EXOC4: variants seen among roughly 807,000 people sequenced by gnomAD.
EXOC4 encodes SEC8-like 1.
Under a neutral mutation model 107.2 loss-of-function variants are expected in EXOC4, and 71 were observed. That is an observed-to-expected ratio of 0.66 (90% CI 0.55 to 0.81). The LOEUF is 0.81. EXOC4 is among the 30% of genes least tolerant of loss of function. The probability of loss-of-function intolerance (pLI) is 0.00; values close to 1 mark genes in which losing one functional copy is unlikely to be tolerated. For missense variants in EXOC4, 1,108 were observed against 1,189.6 expected, an observed-to-expected ratio of 0.93 and a Z score of 1.01; for synonymous variants, 456 against 441.2, an observed-to-expected ratio of 1.03 and a Z score of -0.42.
chr7:133,802,714 G>T (rs1275097781), intron 10 of EXOC4, among the ~76,000 whole-genome samples: 1 of 152,068 alleles, frequency 6.6e-6, no homozygotes, highest in African/African-American at 2.4e-5. Context: ...AGATGTGGTG[G>T]TGGAAGCCTG....
chr7:133,725,559 A>C (rs953644492), intron 10 of EXOC4, among the ~76,000 whole-genome samples: 2 of 152,136 alleles, frequency 1.3e-5, no homozygotes, highest in Non-Finnish European at 2.9e-5. Context: ...TATTTTTAGT[A>C]GAGACAGAGT....
chr7:133,999,608 G>T (rs560462472), intron 15 of EXOC4, among the ~76,000 whole-genome samples: 2 of 152,220 alleles, frequency 1.3e-5, no homozygotes, highest in East Asian at 1.9e-4. Context: ...ACAAATATTT[G>T]CAATAGATGG....
At chr7:133,527,540 T>A (rs1800103711) in intron 9 of EXOC4, among the ~76,000 whole-genome samples, 1 of 152,192 alleles carries the variant, frequency 6.6e-6, no homozygotes, top group Admixed American at 6.5e-5. Flanking sequence ...GGGATCTTCC[T>A]ATGGTAAGTC....
At chr7:133,747,969 G>A (rs1795713266) in intron 10 of EXOC4, among the ~76,000 whole-genome samples, 1 of 152,164 alleles carries the variant, frequency 6.6e-6, no homozygotes, top group African/African-American at 2.4e-5. Flanking sequence ...GATTCAGAAT[G>A]TCTCATTAGC....
chr7:134,075,518 A>G, the EXOC4 span, among the ~76,000 whole-genome samples: 3 of 152,290 alleles, frequency 2.0e-5, no homozygotes, highest in East Asian at 5.8e-4. Context: ...AGCCAAGTGA[A>G]AGGGGAAACC....
At chr7:133,712,445 A>T (rs1393098179) in intron 10 of EXOC4, among the ~76,000 whole-genome samples, 1 of 20,962 alleles carries the variant, frequency 4.8e-5, no homozygotes, top group Non-Finnish European at 1.2e-4. Context: ...GTCTCAAAAA[A>T]AAAAAAAAAA....
At chr7:133,436,016 G>A (rs1258582511) in intron 7 of EXOC4, among the ~76,000 whole-genome samples, 1 of 144,936 alleles carries the variant, frequency 6.9e-6, no homozygotes, top group African/African-American at 2.8e-5. Flanking sequence ...ACATAAGGAA[G>A]GGCAGGGGGA....
intron 11 of EXOC4, 125 bp downstream of exon 11, chr7:133,817,669 A>C (rs1797405983): frequency 3.3e-5 from 22 of 663,830 alleles, no homozygotes; most frequent in Non-Finnish European, 5.0e-5. Flanking sequence ...ACAAAAGAAA[A>C]TAAATAGGCA....
intron 6 of EXOC4, among the ~76,000 whole-genome samples, chr7:133,373,402 T>C (rs1236462880): frequency 3.9e-5 from 6 of 152,190 alleles, no homozygotes; most frequent in Non-Finnish European, 5.9e-5. Context: ...GGATTATATA[T>C]GTATAGTCTA....
chr7:133,840,894 A>G (rs1798012419), intron 11 of EXOC4, among the ~76,000 whole-genome samples: 1 of 152,194 alleles, frequency 6.6e-6, no homozygotes. Context: ...GTTGTATTTC[A>G]CAATAAAAGA....
intron 11 of EXOC4, among the ~76,000 whole-genome samples, chr7:133,840,103 T>C (rs1424458563): frequency 6.6e-6 from 1 of 152,208 alleles, no homozygotes; most frequent in African/African-American, 2.4e-5. Context: ...GAAAGGTAGA[T>C]AGATTCCAAA....
At chr7:133,856,961 G>T (rs1181773502) in intron 11 of EXOC4, among the ~76,000 whole-genome samples, 3 of 149,908 alleles carry the variant, frequency 2.0e-5, no homozygotes, top group African/African-American at 7.4e-5. Context: ...ATTAGGCCTG[G>T]TGGCACATGC....
intron 7 of EXOC4, among the ~76,000 whole-genome samples, chr7:133,429,134 T>G (rs908296028): frequency 6.6e-6 from 1 of 152,118 alleles, no homozygotes; most frequent in Non-Finnish European, 1.5e-5. Context: ...GTGAGGATAT[T>G]GATTTAGTAA....
chr7:133,731,081 A>G (rs547608885), intron 10 of EXOC4, among the ~76,000 whole-genome samples: 14 of 152,326 alleles, frequency 9.2e-5, no homozygotes, highest in Non-Finnish European at 1.5e-4. Flanking sequence ...GAGATTTTCA[A>G]AAATATTAGA....
intron 11 of EXOC4, among the ~76,000 whole-genome samples, chr7:133,855,104 AATATATATAAATATATATATATAAAT>A (rs1798334866): frequency 6.5e-5 from 4 of 61,892 alleles, no homozygotes; most frequent in Non-Finnish European, 9.6e-5. Context: ...TATATATATA[AATATATATAAATATATATATATAAAT>A]ATATATATAT....
chr7:133,498,544 T>C (rs1272560461), intron 9 of EXOC4, among the ~76,000 whole-genome samples: 1 of 152,058 alleles, frequency 6.6e-6, no homozygotes, highest in Non-Finnish European at 1.5e-5. Flanking sequence ...GAGATCATGC[T>C]ACTGCACTCC....
intron 9 of EXOC4, among the ~76,000 whole-genome samples, chr7:133,612,902 C>T (rs1302152024): frequency 1.3e-5 from 2 of 152,306 alleles, no homozygotes; most frequent in Admixed American, 6.5e-5. Context: ...TGTACTGTAC[C>T]TGTACATGGT....
At chr7:133,382,980 C>A (rs547364225) in intron 7 of EXOC4, among the ~76,000 whole-genome samples, 1 of 152,260 alleles carries the variant, frequency 6.6e-6, no homozygotes, top group Non-Finnish European at 1.5e-5. Context: ...TCCCTGGTGT[C>A]AGCCCTGTGA....
At chr7:133,427,034 A>C (rs927942242) in intron 7 of EXOC4, among the ~76,000 whole-genome samples, 2 of 150,428 alleles carry the variant, frequency 1.3e-5, no homozygotes, top group African/African-American at 4.9e-5. Flanking sequence ...ATCCAATGTG[A>C]CTCTCCTGAT....
Sources: gnomAD v4.1 joint callset for allele counts (sites outside exome capture counted in the v4.1 genomes callset) on GRCh38, gnomAD v4.1.1 for gene constraint, MANE v1.5 for transcripts, NCBI Gene and HGNC (gene_info 2026-07-23, HGNC 2026-07-21) for gene names.